Variants in TRDN observed in about 807,000 individuals in gnomAD.
The protein encoded by TRDN is triadin.
TRDN carries 161 observed loss-of-function variants against 149.7 expected under a neutral mutation model. The ratio of observed to expected loss-of-function variants is 1.08; its 90% CI spans 0.95 to 1.23. The LOEUF is 1.23. TRDN is among the 50% of genes most tolerant of loss of function. The probability of loss-of-function intolerance (pLI) is 0.00; values close to 1 mark genes in which losing one functional copy is unlikely to be tolerated. For missense variants in TRDN, 896 were observed against 823.5 expected (o/e 1.09, Z -1.08); for synonymous variants, 294 against 250.5 (o/e 1.17, Z -1.64).
chr6:123,518,165 C>A (rs1779503404), intron 5 of TRDN, among the ~76,000 whole-genome samples: 1 of 151,936 alleles, frequency 6.6e-6, no homozygotes, highest in African/African-American at 2.4e-5. Context: ...TAATCAAAAC[C>A]TAATGAGAAA....
intron 8 of TRDN, among the ~76,000 whole-genome samples, chr6:123,497,952 T>C (rs905055645): frequency 6.9e-6 from 1 of 144,044 alleles, no homozygotes; most frequent in Admixed American, 7.2e-5. Flanking sequence ...GTAAACATCA[T>C]TTTGGGCAGA....
intron 39 of TRDN, among the ~76,000 whole-genome samples, chr6:123,222,006 G>A (rs1413378479): frequency 4.0e-5 from 6 of 151,646 alleles, no homozygotes; most frequent in East Asian, 3.9e-4. Context: ...CCCTTTTCAC[G>A]TCTGATTCAC....
At position 123,444,543 on chromosome 6, in the gene TRDN, A is replaced by T. The variant is rs1350030724; in HGVS notation, c.932-5540T>A. 3.3e-5 allele frequency among the ~76,000 whole-genome samples: 5 copies of T among 150,320 alleles called. No individual in the cohort carries two copies. In the East Asian group the frequency reaches 9.8e-4, roughly 30 times the overall value. ...CTCCTGCCTAATTGCCCTGGCCAGA[A>T]CTTCCAACACTATGTTGAATAGGAG... On this transcript the variant is annotated intron_variant, in intron 10 of 40. Transcript: ENST00000334268.
intron 24 of TRDN, among the ~76,000 whole-genome samples, chr6:123,300,596 T>A (rs1380848884): frequency 6.6e-6 from 1 of 151,918 alleles, no homozygotes; most frequent in Non-Finnish European, 1.5e-5. Context: ...CTTGATTGAC[T>A]AAATTGGCTA....
rs77512082 is a variant in TRDN, at chr6:123,280,680, C to T, written c.1511-1598G>A. ...TTTTTTTTTTTTTGGCTAACCTCTG[C>T]TTAAGGCCTAGTTTAGCTGTCTCTT... On this transcript the variant is annotated intron_variant, in intron 24 of 40. Transcript: ENST00000334268. Among the ~76,000 whole-genome samples the T allele has an allele frequency of 1.1e-3, 152 of 137,176 alleles. 3 individuals are homozygous for T. The East Asian group carries it at 0.029, about 26-fold the overall frequency. 90.0% of individuals were successfully genotyped at this position (137,176 alleles called of 152,430 possible). A position where few individuals can be genotyped will look rare whatever the true frequency, so the allele number is the denominator to read the frequency against.
intron 33 of TRDN, among the ~76,000 whole-genome samples, chr6:123,263,758 G>A (rs1192073024): frequency 6.6e-6 from 1 of 152,218 alleles, no homozygotes; most frequent in South Asian, 2.1e-4. Context: ...TCTCTTGTTG[G>A]AGGCTAGTGA....
At chr6:123,317,513 C>T (rs941008533) in intron 23 of TRDN, among the ~76,000 whole-genome samples, 9 of 151,860 alleles carry the variant, frequency 5.9e-5, no homozygotes, top group African/African-American at 1.7e-4. Flanking sequence ...ACACTACTTC[C>T]GATAATACTT....
At chr6:123,585,732 C>T (rs931786152) in intron 1 of TRDN, among the ~76,000 whole-genome samples, 6 of 152,002 alleles carry the variant, frequency 3.9e-5, no homozygotes, top group Non-Finnish European at 7.4e-5. Context: ...GGCCTGGTGG[C>T]CAGATTTCTG....
chr6:123,377,908 A>G lies in TRDN; in HGVS notation c.1187-10T>C, dbSNP rs371141346. 3 of 1,430,438 alleles carry G rather than the reference A, an allele frequency of 2.1e-6. No homozygotes were observed. The highest frequency in any genetic ancestry group is 1.3e-5 in the South Asian group (1 of 77,240). The allele number at this position is 1,430,438 out of a possible 1,614,324, so 88.6% of individuals were successfully genotyped here. Reference sequence around the variant, plus strand: ...TCTTTCTTTTCCTGTTCTGAAACATATTATTATTGTTATTATTATTATCGT... The same window carrying G: ...TCTTTCTTTTCCTGTTCTGAAACATGTTATTATTGTTATTATTATTATCGT... On this transcript the variant is annotated splice_polypyrimidine_tract_variant and intron_variant, in intron 16 of 40. Transcript: ENST00000334268.
At chr6:123,547,319 T>A (rs748350350) in intron 4 of TRDN, 21 bp downstream of exon 4, 47 of 1,396,650 alleles carry the variant, frequency 3.4e-5, no homozygotes, top group Middle Eastern at 3.6e-4. Flanking sequence ...ATAATTATTA[T>A]CAAAGGTGAA....
rs1483321936 is a variant in TRDN, at chr6:123,218,721, CT to C, written c.2069del (p.Gln690ArgfsTer54). 3 of 1,576,184 alleles carry C rather than the reference CT, an allele frequency of 1.9e-6. No homozygotes were observed. In the East Asian group the frequency reaches 6.9e-5, roughly 36 times the overall value. On this transcript the variant is annotated frameshift_variant, in exon 41 of 41. Transcript: ENST00000334268. LOFTEE classifies it high-confidence loss of function. ...CATTGTACCCATCCAAGTAGACACA[CT>C]GGAAGAAACTGATGGGACCTAAGGA... ...TKQKSPISFF[Q>X]CVYLDGYNGY... is the part of the protein sequence containing the mutation.
chr6:123,475,185 A>G (rs1777408126), intron 9 of TRDN, among the ~76,000 whole-genome samples: 3 of 150,358 alleles, frequency 2.0e-5, no homozygotes. Flanking sequence ...AAAAAAAGAG[A>G]GAAGAATCAA....
At chr6:123,500,556 GATA>G in intron 8 of TRDN, among the ~76,000 whole-genome samples, 1 of 152,078 alleles carries the variant, frequency 6.6e-6, no homozygotes, top group East Asian at 1.9e-4. Flanking sequence ...ATAGTTCTGA[GATA>G]ATAATTTATA....
rs1045781053 is a variant in TRDN at position 123,433,090 on chromosome 6, T to C, written c.1051+4973A>G. On this transcript the variant is annotated intron_variant, in intron 12 of 40. Transcript: ENST00000334268. ...AAGTCCAAACACCTATACATGTTCC[T>C]GCATATTCTGACTCCTAGTACAAAC... 6.8e-4 allele frequency among the ~76,000 whole-genome samples: 102 copies of C among 148,924 alleles called. 1 individual carries two copies. The highest frequency in any genetic ancestry group is 2.5e-3 in the African/African-American group (101 of 40,758).
At chr6:123,286,329 T>A (rs1054325256) in intron 24 of TRDN, among the ~76,000 whole-genome samples, 1 of 152,132 alleles carries the variant, frequency 6.6e-6, no homozygotes. Context: ...TCGGGCATGG[T>A]GGAATACTAC....
chr6:123,395,348 G>A (rs541695126), intron 12 of TRDN, among the ~76,000 whole-genome samples: 1 of 152,184 alleles, frequency 6.6e-6, no homozygotes, highest in Non-Finnish European at 1.5e-5. Flanking sequence ...TTCTCCCACA[G>A]ACTGTTTGGT....
intron 1 of TRDN, among the ~76,000 whole-genome samples, chr6:123,586,615 C>A (rs150897056): frequency 6.6e-6 from 1 of 152,130 alleles, no homozygotes; most frequent in African/African-American, 2.4e-5. Flanking sequence ...GAACTACTGT[C>A]GAGTTTGTAT....
At chr6:123,300,976 A>G (rs1778376326) in intron 24 of TRDN, among the ~76,000 whole-genome samples, 1 of 151,966 alleles carries the variant, frequency 6.6e-6, no homozygotes, top group African/African-American at 2.4e-5. Context: ...GCACTTGATC[A>G]TTCAAATACA....
intron 1 of TRDN, chr6:123,584,077 G>C (rs549394252): frequency 3.3e-5 from 5 of 152,892 alleles, no homozygotes; most frequent in African/African-American, 1.2e-4. Context: ...TGAGGAACAG[G>C]AAAGAAGGAA....
Sources: allele counts gnomAD v4.1 joint callset (sites outside exome capture counted in the v4.1 genomes callset), GRCh38; gene constraint gnomAD v4.1.1; transcripts MANE v1.5; gene names NCBI Gene and HGNC (gene_info 2026-07-23, HGNC 2026-07-21).